The following RFX3 variants were observed in gnomAD, a reference collection of about 807,000 sequenced individuals.
The protein encoded by RFX3 is regulatory factor X3, also known as transcription factor RFX3.
In RFX3, 14 loss-of-function variants were observed where a neutral mutation model predicts 98.6. That is an observed-to-expected ratio of 0.14 (90% CI 0.09 to 0.22). RFX3 has a LOEUF of 0.22. Among genes scored for constraint, RFX3 ranks in the 10% least tolerant of loss-of-function variants. The pLI is 1.00. For missense variants in RFX3, 639 were observed against 926.9 expected (o/e 0.69, Z 4.03); for synonymous variants, 383 against 328.4 (o/e 1.17, Z -1.80).
At position 3,232,271 on chromosome 9, in the gene RFX3, G is replaced by A. The variant is rs1291899521; in HGVS notation, c.1969-3382C>T. ...GACGTGACATCTTACCACTTATAAGGTGTGTCTGTGGTTCAGTATACAGTA... is the reference window on the plus strand; with the variant it reads ...GACGTGACATCTTACCACTTATAAGATGTGTCTGTGGTTCAGTATACAGTA... On this transcript the variant is annotated intron_variant, in intron 15 of 16. Transcript: ENST00000617270. Among the ~76,000 whole-genome samples, 3 of 152,180 alleles carry A rather than the reference G, an allele frequency of 2.0e-5. No homozygotes were observed. In the South Asian group the frequency reaches 6.2e-4, roughly 32 times the overall value.
chr9:3,466,153 T>G (rs562033518), intron 1 of RFX3, among the ~76,000 whole-genome samples: 1 of 152,188 alleles, frequency 6.6e-6, no homozygotes, highest in African/African-American at 2.4e-5. Flanking sequence ...AGCAGGAAAA[T>G]AGAGTTCTAA....
At chr9:3,505,648 C>T (rs1037466131) in intron 1 of RFX3, among the ~76,000 whole-genome samples, 1 of 150,620 alleles carries the variant, frequency 6.6e-6, no homozygotes, top group African/African-American at 2.4e-5. Context: ...TATACAAAGC[C>T]ACATTTGAAG....
At chr9:3,346,939 C>T (rs1253695156) in intron 2 of RFX3, among the ~76,000 whole-genome samples, 175 bp from the exon 3 acceptor site, 1 of 152,158 alleles carries the variant, frequency 6.6e-6, no homozygotes, top group Non-Finnish European at 1.5e-5. Flanking sequence ...GATTCCAGAG[C>T]AACTGCAACA....
At chr9:3,332,319 C>A (rs898240307) in intron 3 of RFX3, among the ~76,000 whole-genome samples, 15 of 152,142 alleles carry the variant, frequency 9.9e-5, no homozygotes, top group Admixed American at 9.8e-4. Flanking sequence ...GTTTCATATA[C>A]ACCTTATACA....
intron 1 of RFX3, among the ~76,000 whole-genome samples, chr9:3,472,618 C>A (rs989818596): frequency 1.3e-5 from 2 of 151,908 alleles, no homozygotes; most frequent in Admixed American, 6.5e-5. Context: ...GGATTTAGAG[C>A]CTATCCCTAA....
At chr9:3,386,622 C>G (rs1839743244) in intron 2 of RFX3, among the ~76,000 whole-genome samples, 1 of 151,804 alleles carries the variant, frequency 6.6e-6, no homozygotes, top group Admixed American at 6.6e-5. Flanking sequence ...AAGAGGAAGC[C>G]CAGAAGCCAC....
intron 3 of RFX3, among the ~76,000 whole-genome samples, chr9:3,334,621 T>C (rs2991319): frequency 2.6e-5 from 4 of 151,800 alleles, no homozygotes; most frequent in African/African-American, 9.7e-5. Context: ...CATCACTCCA[T>C]CGTGCGACTG....
chr9:3,313,117 T>G (rs4008965), intron 4 of RFX3, among the ~76,000 whole-genome samples: 16,313 of 152,126 alleles, frequency 0.11, 892 homozygotes, highest in Middle Eastern at 0.19. Context: ...CACTTCCCAG[T>G]AGGGGCCGAC....
chr9:3,470,318 C>CT (rs1022376234), intron 1 of RFX3, among the ~76,000 whole-genome samples: 1,714 of 142,264 alleles, frequency 0.012, 33 homozygotes, highest in African/African-American at 0.036. Flanking sequence ...TTTCTTTTTC[C>CT]TTTTTTTTTT....
chr9:3,472,607 C>T (rs924384364), intron 1 of RFX3, among the ~76,000 whole-genome samples: 16 of 152,054 alleles, frequency 1.1e-4, no homozygotes, highest in Non-Finnish European at 1.2e-4. Flanking sequence ...ACAAAAGATA[C>T]GGATTTAGAG....
intron 1 of RFX3, among the ~76,000 whole-genome samples, chr9:3,493,580 A>G (rs1850880810): frequency 6.7e-6 from 1 of 150,248 alleles, no homozygotes. Context: ...GCTACTCAGG[A>G]GGCTGTGGCA....
intron 15 of RFX3, among the ~76,000 whole-genome samples, chr9:3,232,827 A>G: frequency 7.4e-6 from 1 of 134,552 alleles, no homozygotes; most frequent in Admixed American, 7.5e-5. Context: ...GGGGTGAGAG[A>G]GGGAGGGGAG....
intron 2 of RFX3, among the ~76,000 whole-genome samples, chr9:3,389,975 T>C (rs372090194): frequency 6.6e-6 from 1 of 152,166 alleles, no homozygotes; most frequent in Non-Finnish European, 1.5e-5. Context: ...ATACTTGAGG[T>C]CATATAAAAT....
rs540401749 is a variant in RFX3, at chr9:3,423,805, A to C, written c.-8-28209T>G. Among the ~76,000 whole-genome samples, 66 of 138,658 alleles carry C rather than the reference A, an allele frequency of 4.8e-4. No individual in the cohort carries two copies. The South Asian group carries it at 0.013, about 28-fold the overall frequency. 91.0% of individuals were successfully genotyped at this position (138,658 alleles called of 152,430 possible). On this transcript the variant is annotated intron_variant, in intron 1 of 16. Transcript: ENST00000617270. ...TATATATATATATATATATATATAT[A>C]TATATATCTTAAGGTAATTTTTAAA...
intron 1 of RFX3, chr9:3,421,002 A>G (rs1417947778): frequency 1.6e-6 from 1 of 623,384 alleles, no homozygotes; most frequent in East Asian, 1.4e-4. Flanking sequence ...TCAGAGATAA[A>G]TATTTCTACT....
intron 2 of RFX3, among the ~76,000 whole-genome samples, chr9:3,357,532 T>C (rs1444073973): frequency 6.6e-6 from 1 of 152,034 alleles, no homozygotes; most frequent in African/African-American, 2.4e-5. Context: ...AAGCAGTATT[T>C]AAAGAGAATT....
Position 3,330,468 on chromosome 9 carries a change from T to C in RFX3, c.265A>G (p.Thr89Ala). The C allele has an allele frequency of 6.2e-7, 1 of 1,614,090 alleles. No individual in the cohort carries two copies. Among genetic ancestry groups the C allele is most frequent in the African/African-American group, 1.3e-5 (1 of 75,028 alleles). Residue 89 changes from threonine (T) to alanine (A), a missense_variant, in exon 4 of 17, where the codon ACT (threonine) becomes GCT (alanine). Coordinates refer to ENST00000617270, the MANE Select transcript of RFX3 (RefSeq NM_001282116.2). ...TGAGTATCAAAGTAATTCCCTCCAG[T>C]ATTTTGGCTGTACATCTGTGTCTCT... ...YTETQMYSQN[T>A]GGNYFDTQGS...
At position 3,493,682 on chromosome 9, in the gene RFX3, C is replaced by CAA. The variant is rs71324250; in HGVS notation, c.-9+32063_-9+32064dup. On this transcript the variant is annotated intron_variant, in intron 1 of 16. Transcript: ENST00000617270. ...CTGGGCGACAAAGCGAGACTCATCT[C>CAA]AAAAAAAAAAAAAAAAAAATATATA... Among the ~76,000 whole-genome samples the CAA allele has an allele frequency of 4.1e-4, 33 of 79,540 alleles. 1 individual carries two copies. The highest frequency in any genetic ancestry group is 2.1e-3 in the East Asian group (6 of 2,892). The allele number at this position is 79,540 out of a possible 152,430, so 52.2% of individuals were successfully genotyped here. A position where few individuals can be genotyped will look rare whatever the true frequency, so the allele number is the denominator to read the frequency against.
At chr9:3,379,917 TTTATTTAC>T (rs1838995462) in intron 2 of RFX3, among the ~76,000 whole-genome samples, 1 of 133,062 alleles carries the variant, frequency 7.5e-6, no homozygotes, top group Non-Finnish European at 1.6e-5. Context: ...TATTTATTTA[TTTATTTAC>T]TTTAATTTTT....
Sources: allele counts gnomAD v4.1 joint callset (sites outside exome capture counted in the v4.1 genomes callset), GRCh38; gene constraint gnomAD v4.1.1; transcripts MANE v1.5; gene names NCBI Gene and HGNC (gene_info 2026-07-23, HGNC 2026-07-21).